The following MRE11 variants were observed in gnomAD, a reference collection of about 807,000 sequenced individuals.
MRE11 encodes the protein double-strand break repair protein MRE11.
Under a neutral mutation model 91.7 loss-of-function variants are expected in MRE11, and 62 were observed. That is an observed-to-expected ratio of 0.68 (90% confidence interval 0.55 to 0.84). The LOEUF (loss-of-function observed/expected upper bound fraction) is 0.84. Ranked by LOEUF, MRE11 falls within the 40% of genes least tolerant of loss-of-function variation. The pLI, the probability that MRE11 is intolerant of heterozygous loss-of-function variation, is 0.00. For synonymous variants in MRE11, 273 were observed against 271.4 expected (o/e 1.01, Z -0.06); for missense variants, 796 against 852.9 (o/e 0.93, Z 0.83).
chr11:94,423,025 T>G (rs991092449), intron 19 of MRE11, among the ~76,000 whole-genome samples: 5 of 152,162 alleles, frequency 3.3e-5, no homozygotes, highest in African/African-American at 9.7e-5. Flanking sequence ...AAACTATTTT[T>G]AAAAATAATT....
In MRE11 at chr11:94,493,003, A is replaced by G. The variant is rs879865048; in HGVS notation, c.-105-97T>C. 30 of 580,546 alleles carry G rather than the reference A, an allele frequency of 5.2e-5. No homozygotes were observed. The Middle Eastern group carries it at 1.3e-3, about 26-fold the overall frequency. 36.0% of individuals were successfully genotyped at this position (580,546 alleles called of 1,614,324 possible). A position where few individuals can be genotyped will look rare whatever the true frequency, so the allele number is the denominator to read the frequency against. On this transcript the variant is annotated intron_variant, in intron 1 of 19. Coordinates refer to ENST00000323929, the MANE Select transcript of MRE11 (RefSeq NM_005591.4). ...TGCACAAGGTACAGACGTCTTAATTAGACTGGCAAATTTAGAAGTCTCATT... is the reference window on the plus strand; with the variant it reads ...TGCACAAGGTACAGACGTCTTAATTGGACTGGCAAATTTAGAAGTCTCATT...
Position 94,476,339 on chromosome 11 carries a change from T to G in MRE11, c.609A>C (p.Pro203=), listed in dbSNP as rs755189325. ...TAAACCAAGAGTTCTCATCTTCCTT[T>G]GGTCTCAACATTGTTACTTTTTTAT... ...FVNKKVTMLR[P]KEDENSWFNL... Residue 203 remains proline (P), a synonymous_variant, in exon 7 of 20, where the codon CCA becomes CCC. Transcript: ENST00000323929. 6.2e-7 allele frequency: 1 copy of G among 1,613,638 alleles called. No homozygotes were observed. Among genetic ancestry groups the G allele is most frequent in the East Asian group, 2.2e-5 (1 of 44,826 alleles).
Position 94,445,819 on chromosome 11 carries a change from T to C in MRE11, c.1858A>G (p.Ile620Val), listed in dbSNP as rs144070976. The change falls in exon 16 of 20, where the codon ATT (isoleucine) becomes GTT (valine). Residue 620 changes from isoleucine to valine, a missense_variant. Transcript: ENST00000323929. ...TGCAGTCTATACTCACCATCTATAA[T>C]AGACATATTTCTAGATGCTGACACA... ...TAVSASRNMSIIDAFKSTRQQ... is the reference protein window; with the variant it reads ...TAVSASRNMSVIDAFKSTRQQ... The C allele has an allele frequency of 1.1e-4, 174 of 1,608,648 alleles. No homozygotes were observed. Among genetic ancestry groups the C allele is most frequent in the Non-Finnish European group, 1.4e-4 (168 of 1,174,998 alleles).
chr11:94,493,016 T>G, intron 1 of MRE11, 110 bp from the exon 2 acceptor site: 1 of 572,756 alleles, frequency 1.7e-6, no homozygotes, highest in East Asian at 2.8e-5. Flanking sequence ...CTGGCAAATT[T>G]AGAAGTCTCA....
intron 13 of MRE11, among the ~76,000 whole-genome samples, chr11:94,458,800 C>G (rs1445570830): frequency 6.6e-6 from 1 of 152,054 alleles, no homozygotes; most frequent in African/African-American, 2.4e-5. Flanking sequence ...TGCTTATTAG[C>G]TATTTATATT....
At chr11:94,449,195 C>T (rs1425080783) in intron 14 of MRE11, among the ~76,000 whole-genome samples, 1 of 152,148 alleles carries the variant, frequency 6.6e-6, no homozygotes, top group East Asian at 1.9e-4. Context: ...TAAAGTGGGA[C>T]TGAAGTGGCA....
At chr11:94,467,192 G>A (rs1946585621) in intron 10 of MRE11, among the ~76,000 whole-genome samples, 1 of 152,132 alleles carries the variant, frequency 6.6e-6, no homozygotes, top group Non-Finnish European at 1.5e-5. Flanking sequence ...GTAGGAGTTT[G>A]GAAAAGGGAA....
upstream of MRE11, chr11:94,493,994 C>A (rs1000951914): frequency 6.6e-6 from 1 of 152,344 alleles, no homozygotes; most frequent in African/African-American, 2.4e-5. Context: ...AGGAGACGAA[C>A]CCGGAAGTGA....
chr11:94,491,849 A>C (rs948941034), intron 2 of MRE11, among the ~76,000 whole-genome samples: 8 of 152,198 alleles, frequency 5.3e-5, no homozygotes, highest in Non-Finnish European at 4.4e-5. Context: ...AAACTTCAAA[A>C]ATGATATGCA....
chr11:94,484,810 A>G (rs1295106567), intron 4 of MRE11, among the ~76,000 whole-genome samples: 2 of 152,236 alleles, frequency 1.3e-5, no homozygotes, highest in Non-Finnish European at 2.9e-5. Flanking sequence ...TGACCTCTTT[A>G]TAAGTATCAG....
intron 14 of MRE11, among the ~76,000 whole-genome samples, chr11:94,453,747 T>C (rs1946175174): frequency 6.6e-6 from 1 of 152,170 alleles, no homozygotes. Context: ...GATTTGCAAA[T>C]ATTTTCTCTC....
the MRE11 span, among the ~76,000 whole-genome samples, chr11:94,510,949 T>C: frequency 6.6e-6 from 1 of 152,192 alleles, no homozygotes; most frequent in Non-Finnish European, 1.5e-5. Context: ...TGTTCATGGC[T>C]GCATCCTTAG....
At chr11:94,497,977 TCA>T, upstream of MRE11, 1 of 939,808 alleles carries the variant, frequency 1.1e-6, no homozygotes, top group Non-Finnish European at 1.5e-6. Flanking sequence ...AAGTTTTTAT[TCA>T]ACTTAATTAA....
chr11:94,495,976 T>G (rs994808176), upstream of MRE11, among the ~76,000 whole-genome samples: 2 of 152,188 alleles, frequency 1.3e-5, no homozygotes, highest in Non-Finnish European at 2.9e-5. Flanking sequence ...CAGCCAAAAT[T>G]CAGTTGAAAA....
In MRE11 at chr11:94,428,072, C is replaced by T. The variant is rs150319333; in HGVS notation, c.2070+1839G>A. 2.9e-3 allele frequency among the ~76,000 whole-genome samples: 440 copies of T among 152,160 alleles called. 3 individuals carry two copies. Among genetic ancestry groups the T allele is most frequent in the African/African-American group, 0.01 (418 of 41,504 alleles). On this transcript the variant is annotated intron_variant, in intron 19 of 19. Coordinates refer to ENST00000323929, the MANE Select transcript of MRE11 (RefSeq NM_005591.4). ...AATTCACATGGAACCAAAGAAGAAC[C>T]CAAATAGACAAAGCAACCCTAAGCA...
At chr11:94,462,151 C>T (rs1273050979) in intron 11 of MRE11, among the ~76,000 whole-genome samples, 2 of 152,020 alleles carry the variant, frequency 1.3e-5, no homozygotes, top group Non-Finnish European at 2.9e-5. Context: ...AAACAGAGAG[C>T]CAAATCATGA....
Position 94,471,708 on chromosome 11 carries a change from G to A in MRE11, c.711C>T (p.Phe237=), listed in dbSNP as rs1312816339. 1.2e-6 allele frequency: 2 copies of A among 1,612,546 alleles called. No individual in the cohort carries two copies. The highest frequency in any genetic ancestry group is 1.7e-6 in the Non-Finnish European group (2 of 1,179,038). ...NFIPEQFLDD[F]IDLVIWGHEH... is the part of the protein sequence containing the mutation. ...CATGGCCCCAGATAACAAGATCAAT[G>A]AAGTCATCCAAAAATTGTTCTGGAA... The change falls in exon 8 of 20, where the codon TTC becomes TTT. Residue 237 remains phenylalanine (F), a synonymous_variant. Coordinates refer to ENST00000323929, the MANE Select transcript of MRE11 (RefSeq NM_005591.4).
chr11:94,504,786 T>C, the MRE11 span, among the ~76,000 whole-genome samples: 2 of 152,358 alleles, frequency 1.3e-5, no homozygotes, highest in East Asian at 3.9e-4. Context: ...ACTCTGGTAA[T>C]ATATTAAAAC....
intron 14 of MRE11, 35 bp downstream of exon 14, chr11:94,456,241 T>TA: frequency 6.3e-7 from 1 of 1,580,680 alleles, no homozygotes; most frequent in Non-Finnish European, 8.7e-7. Flanking sequence ...AAGAAAGTGA[T>TA]ATATAAACAC....
Sources: gnomAD v4.1 joint callset for allele counts (sites outside exome capture counted in the v4.1 genomes callset) on GRCh38, gnomAD v4.1.1 for gene constraint, MANE v1.5 for transcripts, NCBI Gene and HGNC (gene_info 2026-07-23, HGNC 2026-07-21) for gene names.